Variants in RBFOX1 observed in about 807,000 individuals in gnomAD.
RBFOX1 encodes RNA binding protein fox-1 homolog 1.
Under a neutral mutation model 57.7 loss-of-function variants are expected in RBFOX1, and 8 were observed. That is an observed-to-expected ratio of 0.14 (90% confidence interval 0.08 to 0.25). The LOEUF (loss-of-function observed/expected upper bound fraction) is 0.25, where lower values mean the gene tolerates loss of function less well. Ranked by LOEUF, RBFOX1 falls within the 10% of genes least tolerant of loss-of-function variation. The pLI, the probability that RBFOX1 is intolerant of heterozygous loss-of-function variation, is 1.00. For synonymous variants in RBFOX1, 326 were observed against 222.4 expected, an observed-to-expected ratio of 1.47 and a Z score of -4.15; for missense variants, 611 against 548.5, an observed-to-expected ratio of 1.11 and a Z score of -1.14.
chr16:6,516,559 C>T (rs952192033), intron 2 of RBFOX1, among the ~76,000 whole-genome samples: 3 of 152,120 alleles, frequency 2.0e-5, no homozygotes, highest in East Asian at 1.9e-4. Flanking sequence ...ATAACCCTAG[C>T]ACTTTGTACA....
At chr16:7,173,686 A>G (rs1334778570) in intron 4 of RBFOX1, among the ~76,000 whole-genome samples, 1 of 152,224 alleles carries the variant, frequency 6.6e-6, no homozygotes, top group Admixed American at 6.5e-5. Flanking sequence ...GAAGGGTGGA[A>G]ACACATTTAG....
At chr16:7,479,822 A>G (rs1427872505) in intron 4 of RBFOX1, among the ~76,000 whole-genome samples, 2 of 152,210 alleles carry the variant, frequency 1.3e-5, no homozygotes, top group African/African-American at 4.8e-5. Flanking sequence ...CTAGATGTGA[A>G]GAGTCTTCCC....
chr16:7,128,795 A>T (rs941175472), intron 4 of RBFOX1, among the ~76,000 whole-genome samples: 1 of 149,622 alleles, frequency 6.7e-6, no homozygotes, highest in Admixed American at 6.7e-5. Flanking sequence ...GTCTGACATA[A>T]TGGTAACTTT....
chr16:7,622,392 C>T (rs1421146970), intron 10 of RBFOX1, among the ~76,000 whole-genome samples: 1 of 152,162 alleles, frequency 6.6e-6, no homozygotes, highest in Non-Finnish European at 1.5e-5. Flanking sequence ...TTTGGGAACT[C>T]TTATTGTTAG....
intron 1 of RBFOX1, among the ~76,000 whole-genome samples, chr16:6,233,198 C>T (rs2097478767): frequency 6.6e-6 from 1 of 152,168 alleles, no homozygotes; most frequent in Non-Finnish European, 1.5e-5. Context: ...ATTCTGAATT[C>T]ACTTGCCGTC....
intron 4 of RBFOX1, among the ~76,000 whole-genome samples, chr16:7,436,847 A>G (rs2098725442): frequency 6.6e-6 from 1 of 152,154 alleles, no homozygotes; most frequent in Admixed American, 6.5e-5. Context: ...GGATCATCCT[A>G]AGTTAGGAGT....
intron 3 of RBFOX1, among the ~76,000 whole-genome samples, chr16:6,961,532 C>A (rs527660277): frequency 6.6e-6 from 1 of 152,192 alleles, no homozygotes; most frequent in South Asian, 2.1e-4. Flanking sequence ...AAAGTCAAAG[C>A]AAGTTTATTA....
At chr16:6,214,684 AGG>A in intron 1 of RBFOX1, among the ~76,000 whole-genome samples, 1 of 87,072 alleles carries the variant, frequency 1.1e-5, no homozygotes, top group Admixed American at 1.4e-4. Context: ...AGAAGGGGAG[AGG>A]GAGAAGGAAA....
At chr16:6,514,675 T>C (rs2153787984) in intron 2 of RBFOX1, among the ~76,000 whole-genome samples, 1 of 152,166 alleles carries the variant, frequency 6.6e-6, no homozygotes, top group African/African-American at 2.4e-5. Flanking sequence ...ACAAAAATGG[T>C]GTCTCCTGAA....
At chr16:7,104,729 AT>A (rs2063281229) in intron 4 of RBFOX1, among the ~76,000 whole-genome samples, 1 of 152,090 alleles carries the variant, frequency 6.6e-6, no homozygotes, top group African/African-American at 2.4e-5. Context: ...AGGAACTCTA[AT>A]GTTCATTTTC....
intron 3 of RBFOX1, among the ~76,000 whole-genome samples, chr16:6,826,347 T>A (rs1398408678): frequency 1.3e-5 from 2 of 152,098 alleles, no homozygotes; most frequent in African/African-American, 4.8e-5. Context: ...ACCCCCTTCT[T>A]ATTTACAGAA....
intron 2 of RBFOX1, among the ~76,000 whole-genome samples, chr16:6,523,748 G>A (rs1157894146): frequency 6.6e-6 from 1 of 152,084 alleles, no homozygotes; most frequent in Non-Finnish European, 1.5e-5. Context: ...CCCATTGGTT[G>A]ACTATAAAAA....
intron 1 of RBFOX1, among the ~76,000 whole-genome samples, chr16:6,104,601 T>G (rs1597350088): frequency 6.6e-6 from 1 of 152,178 alleles, no homozygotes; most frequent in Non-Finnish European, 1.5e-5. Flanking sequence ...AGGCAACCAC[T>G]AATCTATCGT....
chr16:6,032,901 C>G (rs2095310734), intron 1 of RBFOX1, among the ~76,000 whole-genome samples: 1 of 147,058 alleles, frequency 6.8e-6, no homozygotes, highest in Non-Finnish European at 1.5e-5. Flanking sequence ...TTTTTTTTCC[C>G]TCTCTCCCAG....
At position 7,462,691 on chromosome 16, in the gene RBFOX1, G is replaced by T. The variant is rs189023025; in HGVS notation, c.28-55456G>T. Among the ~76,000 whole-genome samples, 12 of 152,276 alleles carry T rather than the reference G, an allele frequency of 7.9e-5. No homozygotes were observed. The South Asian group carries it at 2.5e-3, about 32-fold the overall frequency. On this transcript the variant is annotated intron_variant, in intron 4 of 15. Coordinates refer to ENST00000550418, the MANE Select transcript of RBFOX1 (RefSeq NM_018723.4). ...TTCCAAGCTCACTCAGCTTTGCCTGGTTCAGTCCCTGGCAGTGGTGAGACT... is the reference window on the plus strand; with the variant it reads ...TTCCAAGCTCACTCAGCTTTGCCTGTTTCAGTCCCTGGCAGTGGTGAGACT...
At chr16:6,757,442 C>G (rs1293293641) in intron 3 of RBFOX1, among the ~76,000 whole-genome samples, 1 of 152,148 alleles carries the variant, frequency 6.6e-6, no homozygotes, top group Non-Finnish European at 1.5e-5. Context: ...TATATATGCA[C>G]AACAGAATAC....
intron 3 of RBFOX1, among the ~76,000 whole-genome samples, chr16:6,965,450 C>G (rs559486183): frequency 6.6e-6 from 1 of 151,662 alleles, no homozygotes; most frequent in East Asian, 2.0e-4. Flanking sequence ...GATTCTTCTG[C>G]CTAAACCTCC....
At chr16:5,884,303 G>C (rs1370385933) in intron 4 of RBFOX1, among the ~76,000 whole-genome samples, 1 of 152,124 alleles carries the variant, frequency 6.6e-6, no homozygotes, top group Admixed American at 6.5e-5. Flanking sequence ...TGTAACTCTG[G>C]AGTGGATAAG....
chr16:6,934,011 G>C (rs2076975144), intron 3 of RBFOX1, among the ~76,000 whole-genome samples: 1 of 152,316 alleles, frequency 6.6e-6, no homozygotes, highest in Non-Finnish European at 1.5e-5. Flanking sequence ...CCAGGGGTCA[G>C]GGAGGGGACA....
Sources: allele counts gnomAD v4.1 joint callset (sites outside exome capture counted in the v4.1 genomes callset), GRCh38; gene constraint gnomAD v4.1.1; transcripts MANE v1.5; gene names NCBI Gene and HGNC (gene_info 2026-07-23, HGNC 2026-07-21).